NXF1: variants seen among roughly 807,000 people sequenced by gnomAD.
NXF1 encodes the protein nuclear RNA export factor 1.
NXF1 carries 43 observed loss-of-function variants against 92.4 expected under a neutral mutation model. The observed-to-expected ratio is 0.47, with a 90% CI of 0.36 to 0.60. The LOEUF (loss-of-function observed/expected upper bound fraction) is 0.60, where lower values mean the gene tolerates loss of function less well. NXF1 is among the 20% of genes least tolerant of loss of function. The pLI is 0.00. For missense variants in NXF1, 576 were observed against 793.0 expected (o/e 0.73, Z 3.29); for synonymous variants, 288 against 292.2 (o/e 0.99, Z 0.15).
intron 10 of NXF1, chr11:62,798,873 T>G: frequency 8.3e-7 from 1 of 1,206,156 alleles, no homozygotes; most frequent in Non-Finnish European, 1.0e-6. Context: ...CTGCCCCCCT[T>G]ACCTTCCACC....
intron 10 of NXF1, chr11:62,798,812 A>G (rs2084448160): frequency 1.5e-6 from 2 of 1,347,988 alleles, no homozygotes; most frequent in Non-Finnish European, 1.9e-6. Context: ...CTGAGTGTCA[A>G]GGAGCAGTAC....
In NXF1 at chr11:62,805,402, C is replaced by G. The variant is rs763836933; in HGVS notation, c.-46G>C. On this transcript the variant is annotated 5_prime_UTR_variant, in exon 1 of 21. Transcript: ENST00000294172. ...CGGGCTCAGGCGCTGGCCGCTACGCCGGCAAACAACCTAACTCCCAAGCGC... is the reference window on the plus strand; with the variant it reads ...CGGGCTCAGGCGCTGGCCGCTACGCGGGCAAACAACCTAACTCCCAAGCGC... 1.0e-5 allele frequency: 16 copies of G among 1,607,484 alleles called. No homozygotes were observed. The East Asian group carries it at 2.2e-4, about 23-fold the overall frequency.
chr11:62,805,333 G>A lies in NXF1; in HGVS notation c.24C>T (p.Tyr8=), dbSNP rs762222998. 4 of 1,611,212 alleles carry A rather than the reference G, an allele frequency of 2.5e-6. No homozygotes were observed. The highest frequency in any genetic ancestry group is 1.3e-5 in the African/African-American group (1 of 74,716). Residue 8 remains tyrosine, a synonymous_variant, in exon 1 of 21, where the codon TAC becomes TAT. Coordinates refer to ENST00000294172, the MANE Select transcript of NXF1 (RefSeq NM_006362.5). MADEGKS[Y]SEHDDERVNF... Reference sequence around the variant, plus strand: ...GACCCGAAGACCAGCACTTACCGCTGTACGACTTCCCCTCGTCCGCCATGC... The same window carrying A: ...GACCCGAAGACCAGCACTTACCGCTATACGACTTCCCCTCGTCCGCCATGC...
At chr11:62,800,005 C>G in intron 10 of NXF1, 1 of 1,017,272 alleles carries the variant, frequency 9.8e-7, no homozygotes, top group Non-Finnish European at 1.2e-6. Flanking sequence ...CCCATGGACA[C>G]CAGGCTCTTG....
At chr11:62,797,760 G>C (rs932336241) in intron 11 of NXF1, among the ~76,000 whole-genome samples, 2 of 152,124 alleles carry the variant, frequency 1.3e-5, no homozygotes, top group East Asian at 3.9e-4. Flanking sequence ...AGAGAAAAAG[G>C]CTGGGTGCAT....
Position 62,800,255 on chromosome 11 carries a change from A to T in NXF1, c.1016+122T>A, listed in dbSNP as rs1055812633. 2.6e-6 allele frequency: 4 copies of T among 1,521,284 alleles called. No individual in the cohort carries two copies. The African/African-American group carries it at 5.5e-5, about 21-fold the overall frequency. The allele number at this position is 1,521,284 out of a possible 1,614,324, so 94.2% of individuals were successfully genotyped here. On this transcript the variant is annotated intron_variant, in intron 10 of 20. Transcript: ENST00000294172. ...AAGTGGGGAGCACGCGATCCTCTCA[A>T]AGGACAGGTGGTTCCAGCTCAGGGC...
chr11:62,792,675 T>C lies in NXF1; in HGVS notation c.1787A>G (p.Tyr596Cys). ...AGTGAAGGCCTGGGCAGATCTGGTG[T>C]AGTCCCAGTTGTTGTCCTGAAGGCA... is the stretch of plus-strand genomic sequence containing the variant. ...QKCLQDNNWD[Y>C]TRSAQAFTHL... Residue 596 changes from tyrosine to cysteine, a missense_variant, in exon 20 of 21, where the codon TAC becomes TGC. This residue lies in a region of NXF1 where 425 missense variants were observed against 635.2 expected (regional missense o/e 0.67). Coordinates refer to ENST00000294172, the MANE Select transcript of NXF1 (RefSeq NM_006362.5). 1.2e-6 allele frequency: 2 copies of C among 1,614,184 alleles called. No homozygotes were observed. Among genetic ancestry groups the C allele is most frequent in the Non-Finnish European group, 1.7e-6 (2 of 1,180,038 alleles).
chr11:62,792,377 G>T lies in NXF1; in HGVS notation c.*99C>A. 33 of 1,446,048 alleles carry T rather than the reference G, an allele frequency of 2.3e-5. 3 individuals carry two copies. In the South Asian group the frequency reaches 3.6e-4, roughly 16 times the overall value. The allele number at this position is 1,446,048 out of a possible 1,614,324, so 89.6% of individuals were successfully genotyped here. ...TCCCTCCCTCGGTCACAGTCACGGG[G>T]CGGCCTCGGGCCAGACAGGAGGAGA... On this transcript the variant is annotated 3_prime_UTR_variant, in exon 21 of 21. Coordinates refer to ENST00000294172, the MANE Select transcript of NXF1 (RefSeq NM_006362.5).
rs535167524 is a variant in NXF1, at chr11:62,794,587, G to C, written c.1578-147C>G. 28 of 711,442 alleles carry C rather than the reference G, an allele frequency of 3.9e-5. No individual in the cohort carries two copies. In the African/African-American group the frequency reaches 4.6e-4, roughly 12 times the overall value. The allele number at this position is 711,442 out of a possible 1,614,324, so 44.1% of individuals were successfully genotyped here. ...CTTTTATCATTTATCCCCTCCCATG[G>C]AATCAATGTTTGGAAGGATTATCTA... On this transcript the variant is annotated intron_variant, in intron 18 of 20. Transcript: ENST00000294172.
chr11:62,795,784 G>T, intron 17 of NXF1, 117 bp downstream of exon 17: 2 of 988,806 alleles, frequency 2.0e-6, no homozygotes, highest in South Asian at 1.3e-5. Context: ...GGCAGAATGG[G>T]AGAAGGAGCT....
chr11:62,804,030 G>A, intron 1 of NXF1, 52 bp from the exon 2 acceptor site: 1 of 1,601,908 alleles, frequency 6.2e-7, no homozygotes, highest in Non-Finnish European at 8.5e-7. Flanking sequence ...GGTCCGGTTT[G>A]GTGTGGCAAT....
chr11:62,796,263 A>G (rs1340574165), intron 15 of NXF1, 24 bp downstream of exon 15: 1 of 1,613,656 alleles, frequency 6.2e-7, no homozygotes, highest in East Asian at 2.2e-5. Flanking sequence ...CTTTTCCCAT[A>G]TTTTGTTCGT....
At chr11:62,802,797 T>C (rs1282238897) in intron 3 of NXF1, among the ~76,000 whole-genome samples, 1 of 152,018 alleles carries the variant, frequency 6.6e-6, no homozygotes, top group African/African-American at 2.4e-5. Context: ...AGTTCCAAGA[T>C]ATTATTTACA....
At chr11:62,803,297 CAG>C in intron 3 of NXF1, 120 bp downstream of exon 3, 1 of 800,712 alleles carries the variant, frequency 1.2e-6, no homozygotes, top group Non-Finnish European at 1.9e-6. Context: ...GCCTGGGTGA[CAG>C]AGCAAGACTC....
chr11:62,794,139 TG>T, intron 19 of NXF1, 118 bp downstream of exon 19: 1 of 878,492 alleles, frequency 1.1e-6, no homozygotes, highest in Non-Finnish European at 1.7e-6. Context: ...TACTCCAGCC[TG>T]GATGACAGCG....
intron 11 of NXF1, 76 bp downstream of exon 11, chr11:62,798,463 G>GA: frequency 6.5e-7 from 1 of 1,527,330 alleles, no homozygotes; most frequent in South Asian, 1.3e-5. Flanking sequence ...AAAAGAAAAA[G>GA]AAAAAGAAAC....
chr11:62,805,409 C>T lies in NXF1; in HGVS notation c.-53G>A. The T allele has an allele frequency of 1.2e-6, 2 of 1,606,378 alleles. No homozygotes were observed. Among genetic ancestry groups the T allele is most frequent in the African/African-American group, 1.3e-5 (1 of 74,442 alleles). On this transcript the variant is annotated 5_prime_UTR_variant, in exon 1 of 21. Transcript: ENST00000294172. ...AGGCGCTGGCCGCTACGCCGGCAAACAACCTAACTCCCAAGCGCTCAGGAC... is the reference window on the plus strand; with the variant it reads ...AGGCGCTGGCCGCTACGCCGGCAAATAACCTAACTCCCAAGCGCTCAGGAC...
At chr11:62,801,243 TG>T (rs747870705) in intron 8 of NXF1, 42 bp from the exon 9 acceptor site, 4 of 1,606,678 alleles carry the variant, frequency 2.5e-6, no homozygotes, top group Non-Finnish European at 3.4e-6. Context: ...CACCAGCAAG[TG>T]GATCAGAGAC....
chr11:62,799,207 G>C (rs765562764), intron 10 of NXF1: 25 of 985,692 alleles, frequency 2.5e-5, no homozygotes, highest in Non-Finnish European at 3.0e-5. Context: ...AGGCAAAAAA[G>C]CATCTAGAAA....
Sources: gnomAD v4.1 joint callset for allele counts (sites outside exome capture counted in the v4.1 genomes callset) on GRCh38, gnomAD v4.1.1 for gene constraint, gnomAD v4.1.1 regional missense constraint, MANE v1.5 for transcripts, NCBI Gene and HGNC (gene_info 2026-07-23, HGNC 2026-07-21) for gene names.